Variants in MCC observed in about 807,000 individuals in gnomAD.
MCC encodes the protein MCC regulator of Wnt signaling pathway.
A neutral mutation model predicts 116.2 loss-of-function variants in MCC; 90 were observed. The ratio of observed to expected loss-of-function variants is 0.77; its 90% confidence interval spans 0.65 to 0.92. MCC has a LOEUF of 0.92. Ranked by LOEUF, MCC falls within the 40% of genes least tolerant of loss-of-function variation. The pLI, the probability that MCC is intolerant of heterozygous loss-of-function variation, is 0.00. For missense variants in MCC, 1,516 were observed against 1,312.2 expected (o/e 1.16, Z -2.40); for synonymous variants, 578 against 510.5 (o/e 1.13, Z -1.78).
chr5:113,024,492 G>A lies in MCC; in HGVS notation c.*2810C>T. 6.6e-6 allele frequency: 1 copy of A among 152,306 alleles called. No homozygotes were observed. The highest frequency in any genetic ancestry group is 2.1e-4 in the South Asian group (1 of 4,828). The allele number at this position is 152,306 out of a possible 1,614,324, so 9.4% of individuals were successfully genotyped here. Reference sequence around the variant, plus strand: ...AAGGGAACTGTGAAATGGGTCCTTTGGCTCTGTGCCCATTTCTTCAAAAGC... The same window carrying A: ...AAGGGAACTGTGAAATGGGTCCTTTAGCTCTGTGCCCATTTCTTCAAAAGC... On this transcript the variant is annotated 3_prime_UTR_variant, in exon 19 of 19. Coordinates refer to ENST00000408903, the MANE Select transcript of MCC (RefSeq NM_001085377.2).
chr5:113,041,661 A>G (rs527312058), intron 17 of MCC, among the ~76,000 whole-genome samples: 1 of 152,028 alleles, frequency 6.6e-6, no homozygotes, highest in African/African-American at 2.4e-5. Context: ...ACCTGGCTAC[A>G]TTTTCTGGGT....
chr5:113,066,529 C>T (rs1459501713), intron 13 of MCC, among the ~76,000 whole-genome samples: 1 of 152,200 alleles, frequency 6.6e-6, no homozygotes, highest in Admixed American at 6.5e-5. Flanking sequence ...ACTCTCCATA[C>T]AAATGAAGGT....
chr5:113,061,487 T>A (rs1753214354), intron 14 of MCC, among the ~76,000 whole-genome samples: 1 of 152,214 alleles, frequency 6.6e-6, no homozygotes, highest in Non-Finnish European at 1.5e-5. Flanking sequence ...ATCAACCTAG[T>A]CACTCTGTCC....
chr5:113,271,031 A>C (rs570656011), intron 3 of MCC, among the ~76,000 whole-genome samples: 1 of 152,334 alleles, frequency 6.6e-6, no homozygotes, highest in African/African-American at 2.4e-5. Flanking sequence ...ACCTAGATTA[A>C]GCATTTAACC....
At chr5:113,198,253 G>A (rs1287827696) in intron 3 of MCC, among the ~76,000 whole-genome samples, 5 of 152,142 alleles carry the variant, frequency 3.3e-5, no homozygotes. Context: ...TTGATAGCAG[G>A]GGCTGTCATT....
intron 8 of MCC, among the ~76,000 whole-genome samples, chr5:113,089,664 T>A (rs1755460689): frequency 6.6e-6 from 1 of 152,256 alleles, no homozygotes; most frequent in Non-Finnish European, 1.5e-5. Context: ...GCACTTGCAA[T>A]GTGCCTGGTG....
chr5:113,046,075 T>C (rs533734775), intron 16 of MCC, among the ~76,000 whole-genome samples: 2 of 152,196 alleles, frequency 1.3e-5, no homozygotes, highest in African/African-American at 2.4e-5. Context: ...ATGGATCTAG[T>C]ATTTGAAAGG....
intron 11 of MCC, among the ~76,000 whole-genome samples, chr5:113,073,405 CATA>C (rs1393032283): frequency 6.6e-6 from 1 of 152,218 alleles, no homozygotes; most frequent in African/African-American, 2.4e-5. Flanking sequence ...GGTAAGCTTC[CATA>C]ATGTCAATCA....
chr5:113,320,005 C>G lies in MCC; in HGVS notation c.627+20514G>C, dbSNP rs573336753. Among the ~76,000 whole-genome samples, 4 of 152,344 alleles carry G rather than the reference C, an allele frequency of 2.6e-5. No homozygotes were observed. The South Asian group carries it at 8.3e-4, about 32-fold the overall frequency. ...ACACAGAACAACAGCATGGCTATTACAGTACCAAGATCATCACCATAAAAT... is the reference window on the plus strand; with the variant it reads ...ACACAGAACAACAGCATGGCTATTAGAGTACCAAGATCATCACCATAAAAT... On this transcript the variant is annotated intron_variant, in intron 3 of 18. Coordinates refer to ENST00000408903, the MANE Select transcript of MCC (RefSeq NM_001085377.2).
At chr5:113,092,997 T>C (rs887270908) in intron 8 of MCC, among the ~76,000 whole-genome samples, 3 of 152,318 alleles carry the variant, frequency 2.0e-5, no homozygotes, top group South Asian at 2.1e-4. Flanking sequence ...TATAGAATGC[T>C]AGATGTCCTT....
At chr5:113,149,834 T>C (rs550580490) in intron 4 of MCC, among the ~76,000 whole-genome samples, 8 of 152,006 alleles carry the variant, frequency 5.3e-5, no homozygotes, top group Non-Finnish European at 1.0e-4. Context: ...ATCCATAAGA[T>C]CTGAGTGGCA....
At chr5:113,213,544 C>A (rs753116109) in intron 3 of MCC, among the ~76,000 whole-genome samples, 5 of 152,146 alleles carry the variant, frequency 3.3e-5, no homozygotes, top group Non-Finnish European at 5.9e-5. Context: ...AACGACATAA[C>A]CTGAAGACTG....
chr5:113,153,482 T>G (rs1463841177), intron 3 of MCC, among the ~76,000 whole-genome samples: 1 of 152,186 alleles, frequency 6.6e-6, no homozygotes, highest in Non-Finnish European at 1.5e-5. Context: ...CTTAGAGTGA[T>G]AATACCTTCT....
At chr5:113,243,507 T>C (rs1444134535) in intron 3 of MCC, among the ~76,000 whole-genome samples, 1 of 152,172 alleles carries the variant, frequency 6.6e-6, no homozygotes, top group Non-Finnish European at 1.5e-5. Flanking sequence ...ACTACAGGCT[T>C]TGACTGAAAG....
intron 3 of MCC, among the ~76,000 whole-genome samples, chr5:113,188,622 T>G (rs756367516): frequency 2.0e-5 from 3 of 152,200 alleles, no homozygotes; most frequent in Admixed American, 6.5e-5. Context: ...GAGTATGGTA[T>G]AAAGAGACCA....
intron 16 of MCC, among the ~76,000 whole-genome samples, chr5:113,048,406 A>G (rs1752260238): frequency 6.6e-6 from 1 of 152,202 alleles, no homozygotes; most frequent in Admixed American, 6.5e-5. Context: ...TTAGGCCAGC[A>G]TAGCCGCAGT....
chr5:113,299,589 T>C (rs1314056567), intron 3 of MCC, among the ~76,000 whole-genome samples: 3 of 152,172 alleles, frequency 2.0e-5, no homozygotes, highest in Non-Finnish European at 4.4e-5. Flanking sequence ...CACCAAAGAA[T>C]AAAGCCCCAA....
intron 3 of MCC, among the ~76,000 whole-genome samples, chr5:113,228,351 C>G (rs556285056): frequency 1.3e-5 from 2 of 152,108 alleles, no homozygotes; most frequent in African/African-American, 4.8e-5. Context: ...ACACCACCCC[C>G]CGAATGGTGC....
intron 3 of MCC, among the ~76,000 whole-genome samples, chr5:113,211,719 C>A (rs983413923): frequency 2.6e-5 from 4 of 152,160 alleles, no homozygotes; most frequent in Non-Finnish European, 4.4e-5. Context: ...TGAAGGAGAC[C>A]TTTAACTCAT....
Sources: allele counts gnomAD v4.1 joint callset (sites outside exome capture counted in the v4.1 genomes callset), GRCh38; gene constraint gnomAD v4.1.1; transcripts MANE v1.5; gene names NCBI Gene and HGNC (gene_info 2026-07-23, HGNC 2026-07-21).